The following MED23 variants were observed in gnomAD, a reference collection of about 807,000 sequenced individuals.
MED23 encodes the protein mediator of RNA polymerase II transcription subunit 23.
A neutral mutation model predicts 163.9 loss-of-function variants in MED23; 105 were observed. The ratio of observed to expected loss-of-function variants is 0.64; its 90% confidence interval spans 0.55 to 0.75. The LOEUF (loss-of-function observed/expected upper bound fraction) is 0.75. Among genes scored for constraint, MED23 ranks in the 30% least tolerant of loss-of-function variants. The probability of loss-of-function intolerance (pLI) is 0.00; values close to 1 mark genes in which losing one functional copy is unlikely to be tolerated. For missense variants in MED23, 1,054 were observed against 1,649.0 expected (o/e 0.64, Z 6.25); for synonymous variants, 561 against 565.6 (o/e 0.99, Z 0.12).
chr6:131,606,363 C>T (rs1775855325), intron 13 of MED23, 116 bp downstream of exon 13: 1 of 1,021,842 alleles, frequency 9.8e-7, no homozygotes, highest in Non-Finnish European at 1.5e-6. Flanking sequence ...TTTGCCCTTA[C>T]CTATAGTGGG....
chr6:131,599,487 G>A (rs988486723), intron 18 of MED23, among the ~76,000 whole-genome samples: 3 of 152,104 alleles, frequency 2.0e-5, no homozygotes, highest in South Asian at 2.1e-4. Context: ...GCTCCATTAC[G>A]TTATACTTCT....
Position 131,605,473 on chromosome 6 carries a change from C to G in MED23, c.1380G>C (p.Gln460His), listed in dbSNP as rs752994789. The change falls in exon 14 of 29, where the codon CAG (glutamine) becomes CAC (histidine). Residue 460 changes from glutamine (Q) to histidine (H), a missense_variant. Physicochemically the swap from Gln to His is conservative, Grantham distance 24. Transcript: ENST00000368068. ...SLRLHHEFLQ[Q>H]SLRNKSLQMN... The stretch of plus-strand genomic sequence containing the variant: ...TCTGTAAACTTTTATTTCTTAGACT[C>G]TGCTGCAGGAACCTAAATATTCACG... The G allele has an allele frequency of 6.3e-7, 1 of 1,588,444 alleles. No homozygotes were observed. The highest frequency in any genetic ancestry group is 2.3e-5 in the East Asian group (1 of 44,436).
At chr6:131,627,083 A>G (rs183880000) in intron 3 of MED23, 27 of 272,986 alleles carry the variant, frequency 9.9e-5, no homozygotes, top group African/African-American at 5.5e-4. Context: ...AAAGCTTAAC[A>G]TATCTGTTTT....
At chr6:131,617,811 T>TA (rs1776802883) in intron 9 of MED23, among the ~76,000 whole-genome samples, 1 of 152,164 alleles carries the variant, frequency 6.6e-6, no homozygotes, top group Admixed American at 6.5e-5. Context: ...TGGTGCCCCT[T>TA]AAAGGGTATA....
chr6:131,627,533 T>TA, intron 2 of MED23, 50 bp from the exon 3 acceptor site: 1 of 1,590,726 alleles, frequency 6.3e-7, no homozygotes, highest in Non-Finnish European at 8.6e-7. Flanking sequence ...AAAAGGTAAT[T>TA]ACACACAATC....
intron 17 of MED23, 129 bp from the exon 18 acceptor site, chr6:131,600,291 T>G: frequency 1.1e-6 from 1 of 903,484 alleles, no homozygotes; most frequent in Non-Finnish European, 1.7e-6. Context: ...CTTAACTAGT[T>G]ATATTCAGCT....
chr6:131,612,941 C>G (rs1244475324), intron 10 of MED23, among the ~76,000 whole-genome samples: 2 of 151,994 alleles, frequency 1.3e-5, no homozygotes, highest in Non-Finnish European at 2.9e-5. Flanking sequence ...TTTTAACATA[C>G]TGTACTTAGG....
chr6:131,582,678 G>A, downstream of MED23: 1 of 1,613,872 alleles, frequency 6.2e-7, no homozygotes, highest in South Asian at 1.1e-5. Flanking sequence ...CAAGGATATT[G>A]TGTATATTGG....
At chr6:131,601,024 A>C (rs966735970) in intron 17 of MED23, among the ~76,000 whole-genome samples, 2 of 146,002 alleles carry the variant, frequency 1.4e-5, no homozygotes, top group Non-Finnish European at 3.0e-5. Flanking sequence ...CTGAGCACTG[A>C]GTTAAATCAG....
At chr6:131,578,593 C>A (rs150572891) in intron 30 of MED23, among the ~76,000 whole-genome samples, 14 of 152,204 alleles carry the variant, frequency 9.2e-5, no homozygotes, top group African/African-American at 3.1e-4. Flanking sequence ...TATGATAATA[C>A]CACTATGAGG....
exon 31 of MED23, chr6:131,574,229 C>CT: frequency 6.2e-7 from 1 of 1,600,666 alleles, no homozygotes; most frequent in Non-Finnish European, 8.6e-7. Flanking sequence ...CTCCAGGTTT[C>CT]TCAGGATCTG....
intron 30 of MED23, among the ~76,000 whole-genome samples, chr6:131,574,799 C>T (rs1191424998): frequency 2.0e-5 from 3 of 151,956 alleles, no homozygotes; most frequent in African/African-American, 7.3e-5. Context: ...TGCAAGGCAG[C>T]GAACAAACAA....
chr6:131,614,125 T>C (rs569332678), intron 10 of MED23, among the ~76,000 whole-genome samples: 36 of 152,354 alleles, frequency 2.4e-4, no homozygotes, highest in Middle Eastern at 3.4e-3. Context: ...AGATGTTAAA[T>C]TGACAGATTA....
At chr6:131,609,927 G>T in intron 11 of MED23, 119 bp downstream of exon 11, 3 of 936,976 alleles carry the variant, frequency 3.2e-6, no homozygotes, top group East Asian at 2.6e-5. Flanking sequence ...CACTAAACAG[G>T]ACAGAAATTA....
chr6:131,588,547 A>G (rs1170967578), intron 28 of MED23, among the ~76,000 whole-genome samples: 1 of 152,208 alleles, frequency 6.6e-6, no homozygotes, highest in Non-Finnish European at 1.5e-5. Context: ...GTTTCTCTGC[A>G]TGTTCTGTGT....
At chr6:131,583,134 T>C (rs1258641833), downstream of MED23, 1 of 1,613,996 alleles carries the variant, frequency 6.2e-7, no homozygotes, top group Non-Finnish European at 8.5e-7. Context: ...GGCAAGGTGA[T>C]GGAAGAAACA....
chr6:131,627,676 T>TAAAAAAA lies in MED23; in HGVS notation c.40-11_40-5dup. The TAAAAAAA allele has an allele frequency of 6.9e-7, 1 of 1,458,978 alleles. No homozygotes were observed. The highest frequency in any genetic ancestry group is 9.4e-7 in the Non-Finnish European group (1 of 1,069,282). The allele number at this position is 1,458,978 out of a possible 1,614,324, so 90.4% of individuals were successfully genotyped here. On this transcript the variant is annotated splice_region_variant and splice_polypyrimidine_tract_variant and intron_variant, in intron 1 of 28. Coordinates refer to ENST00000368068, the MANE Select transcript of MED23 (RefSeq NM_004830.4). ...CCTCTTCTATAACTTCCGTTTTCTG[T>TAAAAAAA]AAAAAAAAAAAAAACAAAATGTAAA...
chr6:131,619,851 T>C lies in MED23; in HGVS notation c.643A>G (p.Thr215Ala). 4 of 1,611,566 alleles carry C rather than the reference T, an allele frequency of 2.5e-6. No homozygotes were observed. Among genetic ancestry groups the C allele is most frequent in the South Asian group, 1.1e-5 (1 of 91,042 alleles). ...CCACAAATGGAGTTTATCCTTGCTG[T>C]GGGCCTGAAGGTATCCACAAAGTCT... ...VSDFVDTFRP[T>A]ARINSICGRC... The change falls in exon 8 of 29, where the codon ACA becomes GCA. Residue 215 changes from threonine (T) to alanine (A), a missense_variant. Coordinates refer to ENST00000368068, the MANE Select transcript of MED23 (RefSeq NM_004830.4).
intron 5 of MED23, 79 bp from the exon 6 acceptor site, chr6:131,622,058 G>T: frequency 2.0e-6 from 2 of 994,090 alleles, no homozygotes; most frequent in Non-Finnish European, 1.6e-6. Context: ...GTTTCAGGGT[G>T]ATATATTCCT....
Sources: allele counts gnomAD v4.1 joint callset (sites outside exome capture counted in the v4.1 genomes callset), GRCh38; gene constraint gnomAD v4.1.1; transcripts MANE v1.5; gene names NCBI Gene and HGNC (gene_info 2026-07-23, HGNC 2026-07-21).